MAST4: variants seen among roughly 807,000 people sequenced by gnomAD.
MAST4 encodes microtubule associated serine/threonine kinase family member 4.
A neutral mutation model predicts 162.7 loss-of-function variants in MAST4; 89 were observed. The ratio of observed to expected loss-of-function variants is 0.55; its 90% CI spans 0.46 to 0.65. The LOEUF (loss-of-function observed/expected upper bound fraction) is 0.65. MAST4 is among the 30% of genes least tolerant of loss of function. The probability of loss-of-function intolerance (pLI) is 0.00; values close to 1 mark genes in which losing one functional copy is unlikely to be tolerated. For missense variants in MAST4, 3,153 were observed against 3,374.0 expected (o/e 0.93, Z 1.62); for synonymous variants, 1,479 against 1,361.1 (o/e 1.09, Z -1.91).
At chr5:66,818,903 T>C (rs1580528958) in intron 3 of MAST4, among the ~76,000 whole-genome samples, 1 of 152,212 alleles carries the variant, frequency 6.6e-6, no homozygotes, top group African/African-American at 2.4e-5. Context: ...TCCTCATTGG[T>C]AAATTGGACC....
intron 5 of MAST4, among the ~76,000 whole-genome samples, chr5:67,057,313 C>A (rs908448340): frequency 2.6e-5 from 4 of 152,058 alleles, no homozygotes; most frequent in Non-Finnish European, 5.9e-5. Context: ...AAGGAAAAAC[C>A]TCCATCTCTC....
At chr5:66,935,672 TTC>T (rs1312345792) in intron 4 of MAST4, among the ~76,000 whole-genome samples, 10 of 135,274 alleles carry the variant, frequency 7.4e-5, no homozygotes, top group Admixed American at 2.2e-4. Context: ...CTTTCTTTCT[TTC>T]TTTTTTTTTT....
intron 4 of MAST4, among the ~76,000 whole-genome samples, chr5:67,029,129 C>T (rs567022725): frequency 6.4e-5 from 9 of 141,392 alleles, no homozygotes; most frequent in African/African-American, 2.4e-4. Context: ...ACGAGACACT[C>T]TCTCAAAAAA....
chr5:67,054,461 T>C lies in MAST4; in HGVS notation c.732T>C (p.Pro244=), dbSNP rs1407618544. 2 of 1,611,406 alleles carry C rather than the reference T, an allele frequency of 1.2e-6. No homozygotes were observed. The highest frequency in any genetic ancestry group is 2.7e-5 in the African/African-American group (2 of 74,870). Residue 244 remains proline, a synonymous_variant, in exon 5 of 29, where the codon CCT becomes CCC. Coordinates refer to ENST00000403625, the MANE Select transcript of MAST4 (RefSeq NM_001164664.2). ...GCAATGGGCAGTCACCAGCATTGCCTCGACCACACTCACCTCTCTCTGCTC... is the reference window on the plus strand; with the variant it reads ...GCAATGGGCAGTCACCAGCATTGCCCCGACCACACTCACCTCTCTCTGCTC... ...LIGNGQSPAL[P]RPHSPLSAHA...
intron 19 of MAST4, among the ~76,000 whole-genome samples, chr5:67,137,305 T>C (rs1247651416): frequency 6.6e-6 from 1 of 152,226 alleles, no homozygotes; most frequent in Non-Finnish European, 1.5e-5. Context: ...TTTTATTCCC[T>C]TTTCTTCTCT....
chr5:67,165,836 C>T lies in MAST4; in HGVS notation c.6657C>T (p.Val2219=), dbSNP rs753367195. Residue 2219 remains valine (V), a synonymous_variant, in exon 29 of 29, where the codon GTC becomes GTT. Coordinates refer to ENST00000403625, the MANE Select transcript of MAST4 (RefSeq NM_001164664.2). ...DRSLSSQKPS[V]GATKGKEPAT... is the part of the protein sequence containing the mutation. Reference sequence around the variant, plus strand: ...CCCTCTCCTCTCAGAAACCAAGTGTCGGGGCCACAAAGGGCAAAGAGCCTG... The same window carrying T: ...CCCTCTCCTCTCAGAAACCAAGTGTTGGGGCCACAAAGGGCAAAGAGCCTG... 2 of 1,612,938 alleles carry T rather than the reference C, an allele frequency of 1.2e-6. No individual in the cohort carries two copies. Among genetic ancestry groups the T allele is most frequent in the South Asian group, 1.1e-5 (1 of 91,044 alleles).
chr5:66,890,878 A>G (rs1762321260), intron 3 of MAST4, among the ~76,000 whole-genome samples: 1 of 152,224 alleles, frequency 6.6e-6, no homozygotes, highest in Non-Finnish European at 1.5e-5. Context: ...AATGAGAATA[A>G]TAGTGAAGTT....
chr5:66,860,861 C>T (rs1428281727), intron 3 of MAST4, among the ~76,000 whole-genome samples: 1 of 151,536 alleles, frequency 6.6e-6, no homozygotes, highest in Non-Finnish European at 1.5e-5. Context: ...GCGCCTGGGA[C>T]AATCAGAGTG....
chr5:66,743,755 T>C (rs1296572038), intron 1 of MAST4, among the ~76,000 whole-genome samples: 1 of 152,246 alleles, frequency 6.6e-6, no homozygotes, highest in African/African-American at 2.4e-5. Flanking sequence ...ATCTATGCTG[T>C]GCCAGGGGGC....
intron 3 of MAST4, among the ~76,000 whole-genome samples, chr5:66,869,002 T>C (rs1760734352): frequency 6.6e-6 from 1 of 152,220 alleles, no homozygotes; most frequent in African/African-American, 2.4e-5. Context: ...GCCCAGGATT[T>C]AGTTAATTTG....
intron 1 of MAST4, among the ~76,000 whole-genome samples, chr5:66,605,024 C>G (rs1350835315): frequency 6.6e-6 from 1 of 152,196 alleles, no homozygotes; most frequent in Non-Finnish European, 1.5e-5. Context: ...GTGATGAAAT[C>G]TATTTTGTGT....
chr5:66,718,075 TA>T (rs141762357), intron 1 of MAST4, among the ~76,000 whole-genome samples: 2,610 of 149,634 alleles, frequency 0.017, 74 homozygotes, highest in African/African-American at 0.058. Flanking sequence ...CTGTGTGCTT[TA>T]AAAAAAAAAT....
intron 3 of MAST4, among the ~76,000 whole-genome samples, chr5:66,873,154 G>A (rs1476352916): frequency 2.0e-5 from 3 of 152,074 alleles, no homozygotes; most frequent in Admixed American, 6.6e-5. Context: ...TTGGTTCAGC[G>A]ACATTACCAA....
chr5:66,865,927 T>C lies in MAST4; in HGVS notation c.643-34024T>C, dbSNP rs71626449. Among the ~76,000 whole-genome samples the C allele has an allele frequency of 3.4e-3, 522 of 151,844 alleles. 3 individuals are homozygous for C. In the Middle Eastern group the frequency reaches 0.037, roughly 11 times the overall value. On this transcript the variant is annotated intron_variant, in intron 3 of 28. Transcript: ENST00000403625. ...CCATCTTTACCAAAAATACGAAAAT[T>C]AACTGGGCGTGGTGGTGCATGCCTG...
intron 26 of MAST4, among the ~76,000 whole-genome samples, chr5:67,155,798 A>G (rs1772414131): frequency 6.6e-6 from 1 of 152,196 alleles, no homozygotes; most frequent in African/African-American, 2.4e-5. Context: ...ACAGTGGCTC[A>G]TACCCGTAAT....
chr5:66,848,761 A>AG (rs2149806314), intron 3 of MAST4, among the ~76,000 whole-genome samples: 1 of 152,056 alleles, frequency 6.6e-6, no homozygotes, highest in African/African-American at 2.4e-5. Context: ...TCTTCTCTCC[A>AG]GTGTGTTTAC....
chr5:67,089,780 T>C (rs1222995562), intron 5 of MAST4, among the ~76,000 whole-genome samples: 1 of 152,186 alleles, frequency 6.6e-6, no homozygotes, highest in African/African-American at 2.4e-5. Flanking sequence ...AACTGAAGCA[T>C]ATGCTTACCC....
chr5:67,164,811 C>T lies in MAST4; in HGVS notation c.5632C>T (p.Pro1878Ser). The part of the protein sequence containing the change: ...KSYLLEPWFL[P>S]PSRGLQNSPA... ...CTACCTGCTGGAGCCTTGGTTCCTG[C>T]CCCCCAGCCGAGGTCTCCAGAATTC... Residue 1878 changes from proline to serine, a missense_variant, in exon 29 of 29, where the codon CCC becomes TCC. Transcript: ENST00000403625. This position sits in a 1 kb window ranked among gnomAD's most constrained non-coding sequence, Gnocchi z 5.3. The T allele has an allele frequency of 1.2e-6, 2 of 1,613,958 alleles. No individual in the cohort carries two copies. Among genetic ancestry groups the T allele is most frequent in the African/African-American group, 1.3e-5 (1 of 75,040 alleles).
chr5:66,762,684 T>TA (rs574950042), intron 2 of MAST4, among the ~76,000 whole-genome samples: 47 of 152,250 alleles, frequency 3.1e-4, no homozygotes, highest in Non-Finnish European at 5.9e-4. Flanking sequence ...AAACTTAAAA[T>TA]AAGTCTTACT....
Sources: allele counts gnomAD v4.1 joint callset (sites outside exome capture counted in the v4.1 genomes callset), GRCh38; gene constraint gnomAD v4.1.1; non-coding constraint Gnocchi (gnomAD v3.1); transcripts MANE v1.5; gene names NCBI Gene and HGNC (gene_info 2026-07-23, HGNC 2026-07-21).